LRBA: variants seen among roughly 807,000 people sequenced by gnomAD.
LRBA encodes LPS responsive beige-like anchor protein, also known as lipopolysaccharide-responsive and beige-like anchor protein.
A neutral mutation model predicts 330.0 loss-of-function variants in LRBA; 176 were observed. That is an observed-to-expected ratio of 0.53 (90% confidence interval 0.47 to 0.60). The LOEUF is 0.60. LRBA is among the 20% of genes least tolerant of loss of function. The probability of loss-of-function intolerance (pLI) is 0.00; values close to 1 mark genes in which losing one functional copy is unlikely to be tolerated. For missense variants in LRBA, 3,259 were observed against 3,444.8 expected (o/e 0.95, Z 1.35); for synonymous variants, 1,230 against 1,193.0 (o/e 1.03, Z -0.64).
At chr4:150,795,427 G>A (rs1050162987) in intron 34 of LRBA, among the ~76,000 whole-genome samples, 6 of 151,978 alleles carry the variant, frequency 3.9e-5, no homozygotes, top group African/African-American at 1.4e-4. Flanking sequence ...GTTTCCTGAA[G>A]AATGTAAGCA....
intron 37 of LRBA, among the ~76,000 whole-genome samples, chr4:150,630,045 GAC>G (rs1777224425): frequency 6.6e-6 from 1 of 152,104 alleles, no homozygotes; most frequent in Non-Finnish European, 1.5e-5. Flanking sequence ...CCATCATGTT[GAC>G]ACAGTTATCC....
At chr4:150,455,728 T>G (rs1036027419) in intron 44 of LRBA, among the ~76,000 whole-genome samples, 3 of 152,154 alleles carry the variant, frequency 2.0e-5, no homozygotes, top group Non-Finnish European at 4.4e-5. Flanking sequence ...ATAGTCACCC[T>G]GTTGTGCTAT....
intron 34 of LRBA, among the ~76,000 whole-genome samples, chr4:150,776,465 G>A (rs188583303): frequency 1.5e-4 from 23 of 152,240 alleles, no homozygotes; most frequent in Non-Finnish European, 2.6e-4. Flanking sequence ...TATCTGTTTC[G>A]TATTATACTA....
intron 35 of LRBA, among the ~76,000 whole-genome samples, 180 bp downstream of exon 35, chr4:150,761,603 T>A (rs367862488): frequency 6.6e-6 from 1 of 151,978 alleles, no homozygotes; most frequent in Admixed American, 6.6e-5. Context: ...TAAGCTTGCA[T>A]CTAAAGAAAA....
chr4:151,008,969 C>CAAAAAAAA lies in LRBA; in HGVS notation c.216+5450_216+5457dup, dbSNP rs1216990774. 3.7e-3 allele frequency among the ~76,000 whole-genome samples: 7 copies of CAAAAAAAA among 1,886 alleles called. 3 individuals are homozygous for CAAAAAAAA. The highest frequency in any genetic ancestry group is 0.083 in the Admixed American group (2 of 24). 1.2% of individuals were successfully genotyped at this position (1,886 alleles called of 152,430 possible). On this transcript the variant is annotated intron_variant, in intron 2 of 56. Coordinates refer to ENST00000651943, the MANE Select transcript of LRBA (RefSeq NM_001364905.1). ...TGGGTGGCAGAGTGAGACTCCATCT[C>CAAAAAAAA]AAAAAAAAAAAAAAAAAAAATATAT...
chr4:150,870,277 C>CAT (rs1422255830), intron 20 of LRBA, among the ~76,000 whole-genome samples: 1 of 152,158 alleles, frequency 6.6e-6, no homozygotes, highest in Non-Finnish European at 1.5e-5. Flanking sequence ...AAAGTCTGAA[C>CAT]ATATATTACA....
intron 34 of LRBA, among the ~76,000 whole-genome samples, chr4:150,776,947 T>C (rs1737422922): frequency 6.6e-6 from 1 of 152,216 alleles, no homozygotes; most frequent in East Asian, 1.9e-4. Context: ...TGAAAATCTC[T>C]AAAAAATAGA....
At chr4:150,497,357 C>CA (rs1417998694) in intron 40 of LRBA, among the ~76,000 whole-genome samples, 1 of 152,082 alleles carries the variant, frequency 6.6e-6, no homozygotes, top group African/African-American at 2.4e-5. Context: ...TTGAATTTGA[C>CA]AATGACAATG....
In LRBA at chr4:150,858,715, A is replaced by G. The variant is rs528201241; in HGVS notation, c.2767-5772T>C. 3.3e-5 allele frequency among the ~76,000 whole-genome samples: 5 copies of G among 152,216 alleles called. No individual in the cohort carries two copies. The South Asian group carries it at 6.2e-4, about 19-fold the overall frequency. On this transcript the variant is annotated intron_variant, in intron 22 of 56. Transcript: ENST00000651943. ...GCTAATTTTTGTATTTTTAGTAGAG[A>G]CAGGGTTTCACCACGTTGACCAGGC...
chr4:150,275,411 G>A (rs1746625581), intron 56 of LRBA, among the ~76,000 whole-genome samples: 1 of 152,182 alleles, frequency 6.6e-6, no homozygotes. Context: ...ATTCAACATA[G>A]TATTGGAAGT....
chr4:150,838,620 G>A lies in LRBA; in HGVS notation c.4569+5480C>T, dbSNP rs189069143. On this transcript the variant is annotated intron_variant, in intron 28 of 56. Transcript: ENST00000651943. ...CTTGTGCATTTGTCACGTAGTACTT[G>A]TGCCATGGTTTTCAGCTCCATCAGG... Among the ~76,000 whole-genome samples, 235 of 152,258 alleles carry A rather than the reference G, an allele frequency of 1.5e-3. 2 individuals carry two copies. The highest frequency in any genetic ancestry group is 5.4e-3 in the African/African-American group (226 of 41,560).
chr4:150,627,276 G>T (rs1481374015), intron 37 of LRBA, among the ~76,000 whole-genome samples: 1 of 151,858 alleles, frequency 6.6e-6, no homozygotes, highest in Non-Finnish European at 1.5e-5. Context: ...ACTCCTGACT[G>T]TGTGCTGAAA....
At chr4:150,924,183 G>A (rs1733624714) in intron 4 of LRBA, among the ~76,000 whole-genome samples, 1 of 152,110 alleles carries the variant, frequency 6.6e-6, no homozygotes, top group Non-Finnish European at 1.5e-5. Context: ...ACATTGCTGG[G>A]GGAGTGTATA....
At chr4:150,813,815 T>C (rs1744152075) in intron 31 of LRBA, among the ~76,000 whole-genome samples, 1 of 152,140 alleles carries the variant, frequency 6.6e-6, no homozygotes, top group African/African-American at 2.4e-5. Flanking sequence ...AAGTAAATTT[T>C]TTGCCCAACT....
At chr4:150,905,401 TA>T (rs994063673) in intron 13 of LRBA, among the ~76,000 whole-genome samples, 169 of 140,418 alleles carry the variant, frequency 1.2e-3, no homozygotes, top group Non-Finnish European at 1.1e-3. Flanking sequence ...TCTTAAGAAA[TA>T]AAAAAAAAAG....
intron 40 of LRBA, among the ~76,000 whole-genome samples, chr4:150,572,369 G>A (rs954668640): frequency 6.6e-6 from 1 of 152,094 alleles, no homozygotes; most frequent in African/African-American, 2.4e-5. Context: ...TGGATTCTGA[G>A]AGGCAATTTC....
At position 150,265,492 on chromosome 4, in the gene LRBA, T is replaced by C; in HGVS notation, c.*230A>G. 5.1e-6 allele frequency: 2 copies of C among 395,074 alleles called. No homozygotes were observed. The highest frequency in any genetic ancestry group is 4.7e-6 in the Non-Finnish European group (1 of 212,794). 24.5% of individuals were successfully genotyped at this position (395,074 alleles called of 1,614,324 possible). A position where few individuals can be genotyped will look rare whatever the true frequency, so the allele number is the denominator to read the frequency against. ...GTGAAAATAGACTTCTCATTATGAC[T>C]AAAAATATAGATTTTTTAAAACTAC... is the stretch of plus-strand genomic sequence containing the variant. On this transcript the variant is annotated 3_prime_UTR_variant, in exon 57 of 57. Transcript: ENST00000651943.
chr4:150,350,377 T>A (rs1279915446), intron 47 of LRBA, among the ~76,000 whole-genome samples: 1 of 152,028 alleles, frequency 6.6e-6, no homozygotes, highest in Non-Finnish European at 1.5e-5. Context: ...TGAGACCAGC[T>A]TGGCCAACAT....
intron 17 of LRBA, among the ~76,000 whole-genome samples, chr4:150,874,804 C>T (rs1454599614): frequency 6.6e-6 from 1 of 152,090 alleles, no homozygotes; most frequent in African/African-American, 2.4e-5. Context: ...CTCCCACGGA[C>T]TAGCAACCTG....
Sources: allele counts gnomAD v4.1 joint callset (sites outside exome capture counted in the v4.1 genomes callset), GRCh38; gene constraint gnomAD v4.1.1; transcripts MANE v1.5; gene names NCBI Gene and HGNC (gene_info 2026-07-23, HGNC 2026-07-21).